Variants in POR observed in about 807,000 individuals in gnomAD.
POR encodes cytochrome p450 oxidoreductase, also known as NADPH--cytochrome P450 reductase.
A neutral mutation model predicts 84.0 loss-of-function variants in POR; 56 were observed. The ratio of observed to expected loss-of-function variants is 0.67; its 90% CI spans 0.54 to 0.83. The LOEUF (loss-of-function observed/expected upper bound fraction) is 0.83, where lower values mean the gene tolerates loss of function less well. Ranked by LOEUF, POR falls within the 40% of genes least tolerant of loss-of-function variation. The probability of loss-of-function intolerance (pLI) is 0.00; values close to 1 mark genes in which losing one functional copy is unlikely to be tolerated. For synonymous variants in POR, 414 were observed against 400.5 expected (o/e 1.03, Z -0.40); for missense variants, 938 against 944.3 (o/e 0.99, Z 0.09).
At chr7:75,923,824 G>A (rs1806986278) in intron 1 of POR, among the ~76,000 whole-genome samples, 2 of 151,572 alleles carry the variant, frequency 1.3e-5, no homozygotes, top group Non-Finnish European at 2.9e-5. Flanking sequence ...GGAGGCGGAG[G>A]TTGTGGTGAG....
chr7:75,977,561 A>G (rs553004822), intron 3 of POR, among the ~76,000 whole-genome samples: 1 of 152,310 alleles, frequency 6.6e-6, no homozygotes, highest in Admixed American at 6.5e-5. Flanking sequence ...AGATCACCTG[A>G]GGTCAGGAGT....
intron 1 of POR, among the ~76,000 whole-genome samples, chr7:75,939,966 G>A (rs1807892472): frequency 6.6e-6 from 1 of 151,504 alleles, no homozygotes; most frequent in Admixed American, 6.6e-5. Flanking sequence ...CTGGAGTGCA[G>A]GGATACTCAC....
chr7:75,964,061 ACAAT>A (rs1788062861), intron 2 of POR, among the ~76,000 whole-genome samples: 2 of 150,358 alleles, frequency 1.3e-5, no homozygotes, highest in Non-Finnish European at 2.9e-5. Flanking sequence ...GTTCAGTGGC[ACAAT>A]CTTGGCTCAC....
At chr7:75,947,935 G>A (rs1787253591) in intron 1 of POR, among the ~76,000 whole-genome samples, 1 of 152,018 alleles carries the variant, frequency 6.6e-6, no homozygotes, top group South Asian at 2.1e-4. Context: ...TTAACCCAGG[G>A]GCTCATTTGT....
chr7:75,966,306 G>A (rs1263123313), intron 2 of POR, among the ~76,000 whole-genome samples: 2 of 152,158 alleles, frequency 1.3e-5, no homozygotes, highest in Non-Finnish European at 2.9e-5. Context: ...CCTGTCCGCA[G>A]AGACAGCTGC....
At chr7:75,978,918 TCC>T (rs1267141394) in intron 3 of POR, among the ~76,000 whole-genome samples, 3 of 152,070 alleles carry the variant, frequency 2.0e-5, no homozygotes, top group Non-Finnish European at 4.4e-5. Flanking sequence ...TGCCTCAGCC[TCC>T]CTAGTAACTG....
chr7:75,979,424 C>T (rs942617083), intron 3 of POR, 27 bp from the exon 4 acceptor site: 2 of 1,609,628 alleles, frequency 1.2e-6, no homozygotes, highest in Non-Finnish European at 1.7e-6. Flanking sequence ...CTGTGGCCCT[C>T]ACCAACCCTG....
intron 1 of POR, among the ~76,000 whole-genome samples, chr7:75,930,965 G>C (rs1242419523): frequency 5.9e-5 from 9 of 152,132 alleles, no homozygotes; most frequent in African/African-American, 1.7e-4. Flanking sequence ...GGGGACTACA[G>C]GTGTGCACCA....
Position 75,936,148 on chromosome 7 carries a change from A to G in POR, c.-4-17841A>G, listed in dbSNP as rs544461086. Reference sequence around the variant, plus strand: ...GCTCTGTCACCCAGGCTAGAGTGCAATGACACAATCATCATGGCTCACTGC... The same window carrying G: ...GCTCTGTCACCCAGGCTAGAGTGCAGTGACACAATCATCATGGCTCACTGC... On this transcript the variant is annotated intron_variant, in intron 1 of 15. Transcript: ENST00000461988. Among the ~76,000 whole-genome samples the G allele has an allele frequency of 3.5e-5, 5 of 141,950 alleles. No homozygotes were observed. In the East Asian group the frequency reaches 8.1e-4, roughly 23 times the overall value. 93.1% of individuals were successfully genotyped at this position (141,950 alleles called of 152,430 possible).
chr7:75,974,524 C>CTTTTTTTTTTTTTTTTTTT (rs1238804117), intron 3 of POR, among the ~76,000 whole-genome samples: 97 of 107,880 alleles, frequency 9.0e-4, no homozygotes, highest in South Asian at 1.9e-3. Context: ...TTTTTCTTTT[C>CTTTTTTTTTTTTTTTTTTT]TTTTTTTTTT....
chr7:75,915,593 A>C (rs1374259776), intron 1 of POR: 1 of 152,214 alleles, frequency 6.6e-6, no homozygotes, highest in Non-Finnish European at 1.5e-5. Context: ...GGAGGCAGCG[A>C]ATTCTGGGGG....
rs782011186 is a variant in POR, at chr7:75,986,345, G to A, written c.1907G>A (p.Arg636Gln). The A allele has an allele frequency of 4.3e-6, 7 of 1,612,418 alleles. No individual in the cohort carries two copies. Among genetic ancestry groups the A allele is most frequent in the South Asian group, 1.1e-5 (1 of 91,076 alleles). ...CCCCTCTTCCTGCCCAGGGATGCAC[G>A]GAACATGGCCAGGGATGTGCAGAAC... Residue 636 changes from arginine to glutamine, a missense_variant, in exon 16 of 16, where the codon CGG becomes CAG. Transcript: ENST00000461988.
intron 2 of POR, chr7:75,968,087 G>T (rs1554555568): frequency 2.2e-6 from 1 of 455,402 alleles, no homozygotes; most frequent in South Asian, 1.6e-5. Context: ...AAGCCATGGG[G>T]TGCACGTACT....
rs782074522 is a variant in POR at position 75,985,669 on chromosome 7, C to T, written c.1489C>T (p.Leu497=). ...CAACAAGGGCGTGGCCACCAACTGGCTGCGGGCCAAGGAGCCTGCCGGGGA... is the reference window on the plus strand; with the variant it reads ...CAACAAGGGCGTGGCCACCAACTGGTTGCGGGCCAAGGAGCCTGCCGGGGA... The change falls in exon 13 of 16, where the codon CTG becomes TTG. Residue 497 remains leucine, a synonymous_variant. Coordinates refer to ENST00000461988, the MANE Select transcript of POR (RefSeq NM_000941.3). The T allele has an allele frequency of 5.0e-6, 8 of 1,594,288 alleles. 1 individual carries two copies. The highest frequency in any genetic ancestry group is 5.1e-6 in the Non-Finnish European group (6 of 1,171,790).
At chr7:75,943,955 A>T in intron 1 of POR, 1 of 446,304 alleles carries the variant, frequency 2.2e-6, no homozygotes, top group Non-Finnish European at 4.4e-6. Context: ...TATCAACTTA[A>T]AAAAAAAATA....
At chr7:75,969,933 C>CG (rs1554555893) in intron 2 of POR, among the ~76,000 whole-genome samples, 13 of 152,198 alleles carry the variant, frequency 8.5e-5, no homozygotes, top group Admixed American at 7.9e-4. Context: ...GTGTGTGTGC[C>CG]ACAGCGAAGA....
At chr7:75,920,534 A>G (rs1806803871) in intron 1 of POR, among the ~76,000 whole-genome samples, 1 of 152,150 alleles carries the variant, frequency 6.6e-6, no homozygotes, top group Admixed American at 6.6e-5. Flanking sequence ...AGTTAAGAAC[A>G]GTGCTTACTC....
intron 1 of POR, among the ~76,000 whole-genome samples, chr7:75,926,235 G>A (rs1244767251): frequency 4.0e-5 from 6 of 151,750 alleles, no homozygotes; most frequent in Non-Finnish European, 8.8e-5. Context: ...GGGCTCAAAC[G>A]ATCCTCCTGT....
In POR at chr7:75,978,126, C is replaced by T. The variant is rs550423349; in HGVS notation, c.238-1325C>T. Among the ~76,000 whole-genome samples, 31 of 152,260 alleles carry T rather than the reference C, an allele frequency of 2.0e-4. No homozygotes were observed. The South Asian group carries it at 6.4e-3, about 32-fold the overall frequency. On this transcript the variant is annotated intron_variant, in intron 3 of 15. Transcript: ENST00000461988. ...ATCCAGAATGCCCCATTTAGGGACC[C>T]TCGGTATATTTCTTGCCAGTCTGTT...
Sources: allele counts gnomAD v4.1 joint callset (sites outside exome capture counted in the v4.1 genomes callset), GRCh38; gene constraint gnomAD v4.1.1; transcripts MANE v1.5; gene names NCBI Gene and HGNC (gene_info 2026-07-23, HGNC 2026-07-21).